LRRC1: variants seen among roughly 807,000 people sequenced by gnomAD.
LRRC1 encodes leucine-rich repeat-containing protein 1.
Under a neutral mutation model 69.9 loss-of-function variants are expected in LRRC1, and 28 were observed. That is an observed-to-expected ratio of 0.40 (90% CI 0.30 to 0.55). LRRC1 has a LOEUF of 0.55. LRRC1 is among the 20% of genes least tolerant of loss of function. The pLI, the probability that LRRC1 is intolerant of heterozygous loss-of-function variation, is 0.47. For synonymous variants in LRRC1, 236 were observed against 240.2 expected, an observed-to-expected ratio of 0.98 and a Z score of 0.16; for missense variants, 498 against 609.0, an observed-to-expected ratio of 0.82 and a Z score of 1.92.
At chr6:53,866,286 G>T (rs1766701035) in intron 2 of LRRC1, among the ~76,000 whole-genome samples, 1 of 152,188 alleles carries the variant, frequency 6.6e-6, no homozygotes, top group South Asian at 2.1e-4. Flanking sequence ...AGGTGGAGGA[G>T]ACAGAGATTC....
chr6:53,873,140 A>G lies in LRRC1; in HGVS notation c.278-5853A>G, dbSNP rs1766949989. Among the ~76,000 whole-genome samples, 4 of 151,828 alleles carry G rather than the reference A, an allele frequency of 2.6e-5. No individual in the cohort carries two copies. The South Asian group carries it at 8.3e-4, about 31-fold the overall frequency. On this transcript the variant is annotated intron_variant, in intron 2 of 13. Coordinates refer to ENST00000370888, the MANE Select transcript of LRRC1 (RefSeq NM_018214.5). ...CTTCAATTTTTTTCATCAGTGTTTT[A>G]TAGTTTTCATTGTAGAGATTTTTTA... is the stretch of plus-strand genomic sequence containing the variant.
intron 4 of LRRC1, among the ~76,000 whole-genome samples, chr6:53,886,190 C>T (rs1416682550): frequency 5.3e-5 from 8 of 152,156 alleles, no homozygotes; most frequent in South Asian, 4.2e-4. Context: ...TTGAAAACTG[C>T]GACATCAAGT....
chr6:53,833,083 A>G (rs568574266), intron 1 of LRRC1, among the ~76,000 whole-genome samples: 10 of 152,246 alleles, frequency 6.6e-5, no homozygotes, highest in African/African-American at 2.4e-4. Flanking sequence ...TTTCCCTCTG[A>G]GGTACCAACC....
chr6:53,912,320 G>T (rs977724689), intron 10 of LRRC1, among the ~76,000 whole-genome samples: 1 of 152,188 alleles, frequency 6.6e-6, no homozygotes, highest in Non-Finnish European at 1.5e-5. Flanking sequence ...AGACTCAATG[G>T]AGGAATAGAC....
At chr6:53,796,117 C>A (rs1453529755) in intron 1 of LRRC1, among the ~76,000 whole-genome samples, 1 of 152,236 alleles carries the variant, frequency 6.6e-6, no homozygotes, top group African/African-American at 2.4e-5. Context: ...TGAACGTCAG[C>A]GGAGGCTCTG....
intron 2 of LRRC1, among the ~76,000 whole-genome samples, chr6:53,851,505 T>C (rs1766136119): frequency 6.6e-6 from 1 of 152,082 alleles, no homozygotes; most frequent in Non-Finnish European, 1.5e-5. Context: ...TCCATTCAGG[T>C]CCTGAGCAGA....
At chr6:53,841,338 C>A (rs1193770157) in intron 1 of LRRC1, among the ~76,000 whole-genome samples, 1 of 152,190 alleles carries the variant, frequency 6.6e-6, no homozygotes, top group African/African-American at 2.4e-5. Flanking sequence ...TTCTTATTGG[C>A]TACTCGCCCC....
At chr6:53,807,268 ACCCT>A (rs1342640244) in intron 1 of LRRC1, among the ~76,000 whole-genome samples, 1 of 151,742 alleles carries the variant, frequency 6.6e-6, no homozygotes, top group Non-Finnish European at 1.5e-5. Context: ...ATCCTGACAG[ACCCT>A]CCCTCCTCCT....
intron 2 of LRRC1, among the ~76,000 whole-genome samples, chr6:53,848,998 C>G (rs1463051339): frequency 6.6e-6 from 1 of 150,850 alleles, no homozygotes; most frequent in Non-Finnish European, 1.5e-5. Flanking sequence ...CTTAGGTGAT[C>G]CACCCACCTC....
intron 1 of LRRC1, among the ~76,000 whole-genome samples, chr6:53,812,384 A>T (rs1004601055): frequency 6.6e-6 from 1 of 152,116 alleles, no homozygotes; most frequent in African/African-American, 2.4e-5. Context: ...GTGACTGGGT[A>T]CCACCTTCAG....
chr6:53,912,902 T>A (rs1488144869), intron 10 of LRRC1, among the ~76,000 whole-genome samples: 1 of 142,762 alleles, frequency 7.0e-6, no homozygotes, highest in African/African-American at 2.5e-5. Context: ...GTCAGGAGAG[T>A]GAGTACAAGA....
chr6:53,917,603 C>T (rs1422414362), intron 11 of LRRC1, among the ~76,000 whole-genome samples: 7 of 152,240 alleles, frequency 4.6e-5, no homozygotes, highest in Non-Finnish European at 1.0e-4. Flanking sequence ...ACAGTGACCA[C>T]GTTTGAGTAT....
chr6:53,887,737 G>T (rs559176311), intron 4 of LRRC1, among the ~76,000 whole-genome samples: 1 of 151,914 alleles, frequency 6.6e-6, no homozygotes, highest in Non-Finnish European at 1.5e-5. Context: ...ATGTTGTTTC[G>T]TGAACCTTTT....
At chr6:53,840,687 A>G (rs1765752939) in intron 1 of LRRC1, among the ~76,000 whole-genome samples, 1 of 150,900 alleles carries the variant, frequency 6.6e-6, no homozygotes, top group Middle Eastern at 3.2e-3. Flanking sequence ...CACCTCTTTT[A>G]TGGGATTCTT....
At chr6:53,847,223 G>A (rs1445651577) in intron 2 of LRRC1, among the ~76,000 whole-genome samples, 2 of 152,006 alleles carry the variant, frequency 1.3e-5, no homozygotes, top group Non-Finnish European at 2.9e-5. Context: ...TGTATCTCGT[G>A]GTGATAATAG....
intron 1 of LRRC1, among the ~76,000 whole-genome samples, chr6:53,831,531 G>T (rs1282200083): frequency 6.6e-6 from 1 of 152,072 alleles, no homozygotes; most frequent in African/African-American, 2.4e-5. Context: ...ATGAATTCTT[G>T]GCTGCAATAA....
chr6:53,802,744 A>G (rs1292016602), intron 1 of LRRC1, among the ~76,000 whole-genome samples: 1 of 152,182 alleles, frequency 6.6e-6, no homozygotes, highest in African/African-American at 2.4e-5. Context: ...TTTGTTCTAT[A>G]CTATGAATTT....
At chr6:53,819,350 G>A (rs115960441) in intron 1 of LRRC1, among the ~76,000 whole-genome samples, 111 of 152,240 alleles carry the variant, frequency 7.3e-4, no homozygotes, top group Non-Finnish European at 1.3e-3. Flanking sequence ...CTAGGAGGAG[G>A]AGGAGGTAAA....
At chr6:53,884,756 T>A (rs1767418902) in intron 4 of LRRC1, among the ~76,000 whole-genome samples, 1 of 152,212 alleles carries the variant, frequency 6.6e-6, no homozygotes, top group Admixed American at 6.5e-5. Flanking sequence ...AATATATTAT[T>A]AAACCAGAGT....
Sources: gnomAD v4.1 joint callset for allele counts (sites outside exome capture counted in the v4.1 genomes callset) on GRCh38, gnomAD v4.1.1 for gene constraint, MANE v1.5 for transcripts, NCBI Gene and HGNC (gene_info 2026-07-23, HGNC 2026-07-21) for gene names.